Variants in SOX6 observed in about 807,000 individuals in gnomAD.
SOX6 encodes transcription factor SOX-6.
A neutral mutation model predicts 97.8 loss-of-function variants in SOX6; 11 were observed. The observed-to-expected ratio is 0.11, with a 90% CI of 0.07 to 0.19. The LOEUF (loss-of-function observed/expected upper bound fraction) is 0.19. SOX6 is among the 10% of genes least tolerant of loss of function. The pLI is 1.00. For synonymous variants in SOX6, 360 were observed against 371.4 expected, an observed-to-expected ratio of 0.97 and a Z score of 0.35; for missense variants, 810 against 1,039.5, an observed-to-expected ratio of 0.78 and a Z score of 3.04.
At chr11:16,727,597 T>A (rs994445435) in intron 2 of SOX6, among the ~76,000 whole-genome samples, 1 of 98,084 alleles carries the variant, frequency 1.0e-5, no homozygotes, top group Non-Finnish European at 2.4e-5. Flanking sequence ...ACCCAGCAAA[T>A]TTTTTTTTTT....
chr11:16,110,886 C>T (rs1029543571), intron 7 of SOX6, among the ~76,000 whole-genome samples: 1 of 152,174 alleles, frequency 6.6e-6, no homozygotes, highest in African/African-American at 2.4e-5. Flanking sequence ...AAACCACATA[C>T]ACAAAGAAAC....
At chr11:16,479,961 TTGAA>T (rs1565158546), upstream of SOX6, among the ~76,000 whole-genome samples, 1 of 152,136 alleles carries the variant, frequency 6.6e-6, no homozygotes, top group African/African-American at 2.4e-5. Flanking sequence ...AACCTATTGA[TTGAA>T]TAAGTAAATT....
chr11:16,507,385 T>C (rs1360696336), intron 4 of SOX6, among the ~76,000 whole-genome samples: 1 of 152,134 alleles, frequency 6.6e-6, no homozygotes, highest in Admixed American at 6.6e-5. Flanking sequence ...AATACCAATG[T>C]CATTTTTTCA....
At chr11:16,446,162 T>C (rs2133090830) in intron 1 of SOX6, among the ~76,000 whole-genome samples, 1 of 151,958 alleles carries the variant, frequency 6.6e-6, no homozygotes, top group South Asian at 2.1e-4. Context: ...GAATGAAGAT[T>C]ACAATGGAGA....
At chr11:16,348,032 G>C (rs2134352249) in intron 1 of SOX6, among the ~76,000 whole-genome samples, 1 of 151,936 alleles carries the variant, frequency 6.6e-6, no homozygotes, top group African/African-American at 2.4e-5. Flanking sequence ...GGAAGGGAGT[G>C]AGAGTAGAAA....
chr11:16,368,860 T>TA (rs1365324243), intron 1 of SOX6, among the ~76,000 whole-genome samples: 1 of 152,142 alleles, frequency 6.6e-6, no homozygotes, highest in Non-Finnish European at 1.5e-5. Context: ...AGCATATATT[T>TA]AAAAACTGCT....
chr11:16,280,300 G>A (rs1854517469), intron 3 of SOX6, among the ~76,000 whole-genome samples: 2 of 151,750 alleles, frequency 1.3e-5, no homozygotes, highest in African/African-American at 2.4e-5. Context: ...ACCTTTGTGA[G>A]AAGGGAATGA....
In SOX6 at chr11:16,341,105, G is replaced by A. The variant is rs377656957; in HGVS notation, c.144C>T (p.His48=). Residue 48 remains histidine (H), a synonymous_variant, in exon 2 of 16, where the codon CAC becomes CAT. Coordinates refer to ENST00000683767, the MANE Select transcript of SOX6 (RefSeq NM_001367873.1). Reference sequence around the variant, plus strand: ...GTAGCTCCTCAGAGTGAGGTTTGTTGTGCATTATGGGGTGCAGAGGCAGAT... The same window carrying A: ...GTAGCTCCTCAGAGTGAGGTTTGTTATGCATTATGGGGTGCAGAGGCAGAT... The part of the protein sequence containing the change: ...ASHLPLHPIM[H]NKPHSEELPT... 25 of 1,613,420 alleles carry A rather than the reference G, an allele frequency of 1.5e-5. No individual in the cohort carries two copies. The African/African-American group carries it at 3.3e-4, about 22-fold the overall frequency.
At chr11:16,395,567 C>T (rs906956944) in intron 1 of SOX6, among the ~76,000 whole-genome samples, 1 of 151,754 alleles carries the variant, frequency 6.6e-6, no homozygotes, top group Non-Finnish European at 1.5e-5. Context: ...GGGAGAAAGA[C>T]AAGAGCTGAG....
At chr11:15,975,600 G>A (rs918311294) in intron 15 of SOX6, among the ~76,000 whole-genome samples, 2 of 152,158 alleles carry the variant, frequency 1.3e-5, no homozygotes, top group Admixed American at 6.5e-5. Flanking sequence ...TATGTGCTGG[G>A]AACTATATTT....
chr11:16,048,052 T>C (rs1053090236), intron 11 of SOX6, among the ~76,000 whole-genome samples: 2 of 152,106 alleles, frequency 1.3e-5, no homozygotes, highest in African/African-American at 2.4e-5. Context: ...TAGAGTTCCA[T>C]AAAAGCAGGG....
At chr11:16,119,226 G>T (rs1334551918) in intron 6 of SOX6, among the ~76,000 whole-genome samples, 1 of 152,068 alleles carries the variant, frequency 6.6e-6, no homozygotes, top group Non-Finnish European at 1.5e-5. Flanking sequence ...TCTTCTTATT[G>T]CCAAAAAGTG....
At chr11:16,658,026 T>C (rs1056877831) in intron 3 of SOX6, among the ~76,000 whole-genome samples, 1 of 152,212 alleles carries the variant, frequency 6.6e-6, no homozygotes, top group Non-Finnish European at 1.5e-5. Flanking sequence ...CATATGAACA[T>C]CTCATAAAAA....
At chr11:16,262,325 G>T (rs1853927255) in intron 3 of SOX6, among the ~76,000 whole-genome samples, 1 of 151,964 alleles carries the variant, frequency 6.6e-6, no homozygotes, top group African/African-American at 2.4e-5. Flanking sequence ...AATGAATATA[G>T]GAACATATAG....
At chr11:16,227,747 A>G (rs1396275271) in intron 4 of SOX6, among the ~76,000 whole-genome samples, 1 of 152,220 alleles carries the variant, frequency 6.6e-6, no homozygotes, top group Non-Finnish European at 1.5e-5. Flanking sequence ...CAGAAAACAC[A>G]TATTATCCTC....
At chr11:16,272,544 A>G (rs1854288355) in intron 3 of SOX6, among the ~76,000 whole-genome samples, 1 of 151,794 alleles carries the variant, frequency 6.6e-6, no homozygotes, top group Non-Finnish European at 1.5e-5. Flanking sequence ...TAATTTCACG[A>G]TCTTTAGCAA....
intron 4 of SOX6, among the ~76,000 whole-genome samples, chr11:16,206,091 G>A (rs998273749): frequency 6.6e-6 from 1 of 151,632 alleles, no homozygotes; most frequent in East Asian, 1.9e-4. Flanking sequence ...ATGTATGTAT[G>A]TTGTATATAT....
upstream of SOX6, among the ~76,000 whole-genome samples, chr11:16,479,829 A>G (rs1019395383): frequency 1.3e-5 from 2 of 152,072 alleles, no homozygotes; most frequent in Non-Finnish European, 2.9e-5. Flanking sequence ...TACTGTCTAT[A>G]TCCTTTGAGA....
chr11:16,494,998 C>T (rs1166209242), intron 4 of SOX6, among the ~76,000 whole-genome samples: 2 of 152,158 alleles, frequency 1.3e-5, no homozygotes, highest in African/African-American at 4.8e-5. Context: ...AGACTGCATC[C>T]TGCCTTGGAG....
Sources: gnomAD v4.1 joint callset for allele counts (sites outside exome capture counted in the v4.1 genomes callset) on GRCh38, gnomAD v4.1.1 for gene constraint, MANE v1.5 for transcripts, NCBI Gene and HGNC (gene_info 2026-07-23, HGNC 2026-07-21) for gene names.